The following WWC2 variants were observed in gnomAD, a reference collection of about 807,000 sequenced individuals.
WWC2 encodes the protein WW and C2 domain containing 2, also known as protein WWC2.
A neutral mutation model predicts 138.5 loss-of-function variants in WWC2; 101 were observed. The observed-to-expected ratio is 0.73, with a 90% CI of 0.62 to 0.86. The LOEUF (loss-of-function observed/expected upper bound fraction) is 0.86. WWC2 is among the 40% of genes least tolerant of loss of function. The pLI is 0.00. For synonymous variants in WWC2, 558 were observed against 538.4 expected, an observed-to-expected ratio of 1.04 and a Z score of -0.50; for missense variants, 1,420 against 1,419.4, an observed-to-expected ratio of 1.00 and a Z score of -0.01.
At chr4:183,171,855 G>C (rs1734295292) in intron 1 of WWC2, among the ~76,000 whole-genome samples, 1 of 152,154 alleles carries the variant, frequency 6.6e-6, no homozygotes, top group Non-Finnish European at 1.5e-5. Context: ...CCTGGTTGAG[G>C]ATTCAGCTTT....
intron 1 of WWC2, among the ~76,000 whole-genome samples, chr4:183,121,519 A>C (rs1399791671): frequency 6.6e-6 from 1 of 152,106 alleles, no homozygotes; most frequent in African/African-American, 2.4e-5. Context: ...CAAATTAGGG[A>C]TACTCAATCT....
At chr4:183,297,365 C>T (rs903019622) in intron 21 of WWC2, among the ~76,000 whole-genome samples, 1 of 151,634 alleles carries the variant, frequency 6.6e-6, no homozygotes, top group Admixed American at 6.6e-5. Context: ...AAAGAAGATC[C>T]TAAGGATCTT....
chr4:183,118,234 A>G (rs910417602), intron 1 of WWC2, among the ~76,000 whole-genome samples: 1 of 152,228 alleles, frequency 6.6e-6, no homozygotes, highest in African/African-American at 2.4e-5. Context: ...AAGAGCCTTC[A>G]TAAATAGGAA....
At position 183,177,767 on chromosome 4, in the gene WWC2, G is replaced by A. The variant is rs188518686; in HGVS notation, c.132-15832G>A. Among the ~76,000 whole-genome samples the A allele has an allele frequency of 4.9e-4, 74 of 151,524 alleles. 1 individual carries two copies. In the East Asian group the frequency reaches 0.01, roughly 21 times the overall value. ...CTTTCCAGCATGTGCTTTTTCTCTG[G>A]CCTGAGAAGCTACAGGTGCACCGAG... On this transcript the variant is annotated intron_variant, in intron 1 of 22. Transcript: ENST00000403733.
intron 21 of WWC2, 61 bp downstream of exon 21, chr4:183,289,696 G>C (rs1483337033): frequency 4.4e-6 from 7 of 1,573,520 alleles, no homozygotes; most frequent in Non-Finnish European, 6.0e-6. Flanking sequence ...AGCGTGCCAT[G>C]TAGAAGGTAC....
intron 1 of WWC2, among the ~76,000 whole-genome samples, chr4:183,181,754 G>A (rs1734640041): frequency 6.6e-6 from 1 of 152,128 alleles, no homozygotes; most frequent in South Asian, 2.1e-4. Flanking sequence ...CAAGGAGTTA[G>A]CACCTCTAAC....
chr4:183,208,874 G>A (rs917747627), intron 3 of WWC2, 75 bp from the exon 4 acceptor site: 8 of 1,011,528 alleles, frequency 7.9e-6, no homozygotes, highest in Non-Finnish European at 1.2e-5. Flanking sequence ...CTTGTTTTTA[G>A]CTTCAGTAAA....
chr4:183,180,749 A>T (rs995972352), intron 1 of WWC2, among the ~76,000 whole-genome samples: 3 of 148,246 alleles, frequency 2.0e-5, no homozygotes, highest in Admixed American at 2.0e-4. Context: ...CACAAATTGT[A>T]TGATCTTATT....
intron 11 of WWC2, among the ~76,000 whole-genome samples, chr4:183,263,171 A>C (rs375224620): frequency 5.9e-5 from 9 of 152,302 alleles, no homozygotes; most frequent in South Asian, 2.1e-4. Context: ...CTGTGCTTTG[A>C]ACTTACATCT....
chr4:183,245,631 A>G, intron 6 of WWC2, 86 bp downstream of exon 6: 1 of 1,399,422 alleles, frequency 7.1e-7, no homozygotes, highest in Non-Finnish European at 9.4e-7. Flanking sequence ...GCTCCCTCAG[A>G]GTCTGGATGA....
intron 1 of WWC2, among the ~76,000 whole-genome samples, chr4:183,164,427 T>A (rs1291177543): frequency 2.8e-5 from 4 of 141,710 alleles, no homozygotes; most frequent in Non-Finnish European, 6.0e-5. Context: ...TATATTTTTA[T>A]ATATATTTTT....
rs1324788764 is a variant in WWC2 at position 183,113,511 on chromosome 4, TGTGTGCGCGCGC to T, written c.131+13893_131+13904del. Among the ~76,000 whole-genome samples the T allele has an allele frequency of 2.4e-3, 316 of 130,208 alleles. 4 individuals are homozygous for T. The South Asian group carries it at 0.025, about 10-fold the overall frequency. 85.4% of individuals were successfully genotyped at this position (130,208 alleles called of 152,430 possible). Reference sequence around the variant, plus strand: ...GTGTGTGTGTGTGTGTGTGTGTGTGTGTGTGCGCGCGCGTGCGCGCGCACATGCACGTGCATG... The same window carrying T: ...GTGTGTGTGTGTGTGTGTGTGTGTGTGTGCGCGCGCACATGCACGTGCATG... On this transcript the variant is annotated intron_variant, in intron 1 of 22. Coordinates refer to ENST00000403733, the MANE Select transcript of WWC2 (RefSeq NM_024949.6).
chr4:183,175,936 T>G (rs1734455843), intron 1 of WWC2, among the ~76,000 whole-genome samples: 1 of 152,234 alleles, frequency 6.6e-6, no homozygotes, highest in African/African-American at 2.4e-5. Flanking sequence ...TATTTAGAGT[T>G]TTCCCAGCCC....
At chr4:183,149,999 T>A (rs1733595128) in intron 1 of WWC2, among the ~76,000 whole-genome samples, 1 of 152,174 alleles carries the variant, frequency 6.6e-6, no homozygotes, top group African/African-American at 2.4e-5. Flanking sequence ...TGGGATTTAC[T>A]AGCTATGGGG....
At chr4:183,219,762 A>G (rs1735869852) in intron 4 of WWC2, among the ~76,000 whole-genome samples, 1 of 152,226 alleles carries the variant, frequency 6.6e-6, no homozygotes, top group African/African-American at 2.4e-5. Context: ...AATATTTTAG[A>G]TGTTGCAGGT....
intron 22 of WWC2, among the ~76,000 whole-genome samples, chr4:183,314,957 G>A (rs1424335702): frequency 1.3e-5 from 2 of 152,220 alleles, no homozygotes; most frequent in Non-Finnish European, 2.9e-5. Flanking sequence ...TTTCGCAAGG[G>A]AGAACCAGTG....
intron 1 of WWC2, among the ~76,000 whole-genome samples, chr4:183,187,496 T>C (rs1346757807): frequency 6.6e-6 from 1 of 150,594 alleles, no homozygotes; most frequent in Non-Finnish European, 1.5e-5. Flanking sequence ...GAGGTTGCAA[T>C]GAGCCGAGAT....
intron 1 of WWC2, among the ~76,000 whole-genome samples, chr4:183,106,170 G>C (rs1743350973): frequency 6.6e-6 from 1 of 151,622 alleles, no homozygotes; most frequent in Non-Finnish European, 1.5e-5. Context: ...TTTTAATAGA[G>C]ATGGGGTTTC....
intron 21 of WWC2, among the ~76,000 whole-genome samples, chr4:183,296,967 A>T (rs967516834): frequency 1.5e-5 from 2 of 134,110 alleles, no homozygotes; most frequent in Non-Finnish European, 3.2e-5. Flanking sequence ...AAAAAAAAAA[A>T]AATTATTTCT....
Sources: allele counts gnomAD v4.1 joint callset (sites outside exome capture counted in the v4.1 genomes callset), GRCh38; gene constraint gnomAD v4.1.1; transcripts MANE v1.5; gene names NCBI Gene and HGNC (gene_info 2026-07-23, HGNC 2026-07-21).